The following SFXN4 variants were observed in gnomAD, a reference collection of about 807,000 sequenced individuals.
SFXN4 encodes the protein sideroflexin-4.
A neutral mutation model predicts 54.6 loss-of-function variants in SFXN4; 48 were observed. The ratio of observed to expected loss-of-function variants is 0.88; its 90% CI spans 0.70 to 1.12. The LOEUF is 1.12. Ranked by LOEUF, SFXN4 falls within the 50% of genes most tolerant of loss-of-function variation. The pLI is 0.00. For missense variants in SFXN4, 383 were observed against 409.2 expected (o/e 0.94, Z 0.55); for synonymous variants, 130 against 145.5 (o/e 0.89, Z 0.77).
At chr10:119,157,313 C>T (rs1244075531) in intron 9 of SFXN4, among the ~76,000 whole-genome samples, 1 of 151,668 alleles carries the variant, frequency 6.6e-6, no homozygotes, top group Non-Finnish European at 1.5e-5. Flanking sequence ...TGCCTGTAGT[C>T]CCGGCTACTC....
chr10:119,154,881 G>A (rs1293926529), intron 11 of SFXN4, among the ~76,000 whole-genome samples, 181 bp downstream of exon 11: 2 of 130,170 alleles, frequency 1.5e-5, no homozygotes, highest in African/African-American at 3.1e-5. Flanking sequence ...TTTCTCCAGA[G>A]AACCCAGACT....
At position 119,165,610 on chromosome 10, in the gene SFXN4, C is replaced by T; in HGVS notation, c.38G>A (p.Arg13Gln). 6.3e-7 allele frequency: 1 copy of T among 1,593,104 alleles called. No homozygotes were observed. Among genetic ancestry groups the T allele is most frequent in the Admixed American group, 1.7e-5 (1 of 58,446 alleles). The change falls in exon 1 of 14, where the codon CGG becomes CAG. Residue 13 changes from arginine (R) to glutamine (Q), a missense_variant. Arg to Gln is a conservative substitution (Grantham distance 43). Coordinates refer to ENST00000355697, the MANE Select transcript of SFXN4 (RefSeq NM_213649.2). ...GACGGCGTCTCTGCGTCCTAGGAGC[C>T]GCCCAGGTTGCGTTTCCTCCTCCTG... ...LEQEEETQPG[R>Q]LLGRRDAVPA...
chr10:119,153,418 A>G (rs568839399), intron 11 of SFXN4, among the ~76,000 whole-genome samples: 1 of 149,472 alleles, frequency 6.7e-6, no homozygotes, highest in South Asian at 2.1e-4. Context: ...AAAAAAAAAG[A>G]AAGAAAAGAA....
chr10:119,164,109 T>G, intron 2 of SFXN4, 22 bp downstream of exon 2: 1 of 1,389,114 alleles, frequency 7.2e-7, no homozygotes, highest in Non-Finnish European at 1.0e-6. Context: ...TGAAATTCAT[T>G]AGCTCTGAAA....
intron 2 of SFXN4, among the ~76,000 whole-genome samples, chr10:119,163,529 A>G (rs1163917016): frequency 6.6e-6 from 1 of 151,904 alleles, no homozygotes; most frequent in African/African-American, 2.4e-5. Context: ...AGCCTTCCGA[A>G]TAGCTGGGAT....
At chr10:119,159,146 G>A (rs1589645163) in intron 6 of SFXN4, among the ~76,000 whole-genome samples, 1 of 152,072 alleles carries the variant, frequency 6.6e-6, no homozygotes, top group African/African-American at 2.4e-5. Context: ...TGGGTATGGT[G>A]GTGAGCGCCT....
rs142281843 is a variant in SFXN4, at chr10:119,141,008, C to A, written c.*234G>T. ...GGCCGATCCCCACTCCAACCGTTCC[C>A]TCAGCAACCCCAGGGGTGTCAGACG... On this transcript the variant is annotated 3_prime_UTR_variant, in exon 14 of 14. Transcript: ENST00000355697. 151 of 429,312 alleles carry A rather than the reference C, an allele frequency of 3.5e-4. 1 individual carries two copies. The East Asian group carries it at 5.1e-3, about 14-fold the overall frequency. The allele number at this position is 429,312 out of a possible 1,614,324, so 26.6% of individuals were successfully genotyped here. A position where few individuals can be genotyped will look rare whatever the true frequency, so the allele number is the denominator to read the frequency against.
At chr10:119,165,275 G>A (rs1847721631) in intron 1 of SFXN4, 2 of 1,191,234 alleles carry the variant, frequency 1.7e-6, no homozygotes, top group Non-Finnish European at 2.1e-6. Flanking sequence ...AGCCACCTGC[G>A]CGGACTGGGC....
In SFXN4 at chr10:119,159,728, C is replaced by A; in HGVS notation, c.360G>T (p.Thr120=). ...PAAFLPFMAP[T]VFLSMTPLKG... is the part of the protein sequence containing the mutation. ...TAACGGCAAATGTCTGCTTGCTCACCGTGGGTGCCATGAAAGGCAGGAACG... is the reference window on the plus strand; with the variant it reads ...TAACGGCAAATGTCTGCTTGCTCACAGTGGGTGCCATGAAAGGCAGGAACG... Residue 120 remains threonine (T), a splice_region_variant and synonymous_variant, in exon 6 of 14, where the codon ACG becomes ACT. Transcript: ENST00000355697. The A allele has an allele frequency of 6.2e-7, 1 of 1,613,960 alleles. No individual in the cohort carries two copies. The highest frequency in any genetic ancestry group is 1.1e-5 in the South Asian group (1 of 91,062).
At chr10:119,160,867 A>G (rs148967165) in intron 5 of SFXN4, 48 bp downstream of exon 5, 300 of 1,593,218 alleles carry the variant, frequency 1.9e-4, no homozygotes, top group Non-Finnish European at 2.5e-4. Flanking sequence ...TCTAAGTGTT[A>G]GAAACTACAT....
At chr10:119,155,021 G>A (rs781070940) in intron 11 of SFXN4, 41 bp downstream of exon 11, 27 of 1,397,452 alleles carry the variant, frequency 1.9e-5, no homozygotes, top group Admixed American at 1.9e-4. Context: ...TCTAGTCGTT[G>A]CCCAAAAGGC....
chr10:119,148,594 C>T (rs1475471511), intron 11 of SFXN4, among the ~76,000 whole-genome samples: 3 of 152,168 alleles, frequency 2.0e-5, no homozygotes, highest in Non-Finnish European at 2.9e-5. Context: ...CCTCCAAATG[C>T]CCAGCTCTGA....
chr10:119,154,177 C>CA (rs575293435), intron 11 of SFXN4, among the ~76,000 whole-genome samples: 566 of 98,570 alleles, frequency 5.7e-3, no homozygotes, highest in South Asian at 0.017. Flanking sequence ...GACTCCGTCT[C>CA]AAAAAAAAAA....
intron 9 of SFXN4, 32 bp from the exon 10 acceptor site, chr10:119,156,788 A>C: frequency 6.5e-7 from 1 of 1,541,312 alleles, no homozygotes. Flanking sequence ...TCATTATTTC[A>C]TGGGACTGAA....
intron 11 of SFXN4, among the ~76,000 whole-genome samples, chr10:119,150,157 T>C (rs558592724): frequency 1.3e-5 from 2 of 152,328 alleles, no homozygotes; most frequent in Admixed American, 1.3e-4. Context: ...CCTTTTTTTT[T>C]TTAAAGTAGA....
At chr10:119,147,634 G>C in intron 12 of SFXN4, 141 bp downstream of exon 12, 1 of 653,728 alleles carries the variant, frequency 1.5e-6, no homozygotes, top group Non-Finnish European at 2.7e-6. Context: ...CAATCAATCC[G>C]CCTGTCTTAG....
Position 119,150,217 on chromosome 10 carries a change from A to G in SFXN4, c.733-2357T>C, listed in dbSNP as rs1023573716. 3.3e-5 allele frequency among the ~76,000 whole-genome samples: 5 copies of G among 151,882 alleles called. No individual in the cohort carries two copies. The South Asian group carries it at 1.0e-3, about 32-fold the overall frequency. On this transcript the variant is annotated intron_variant, in intron 11 of 13. Coordinates refer to ENST00000355697, the MANE Select transcript of SFXN4 (RefSeq NM_213649.2). ...AACATGCCCCTCATGCCAAAAATGA[A>G]GTTTCTTCTGGTGAGATGGACTCCA... is the stretch of plus-strand genomic sequence containing the variant.
chr10:119,146,588 T>C (rs1282369721), intron 12 of SFXN4, among the ~76,000 whole-genome samples: 1 of 152,086 alleles, frequency 6.6e-6, no homozygotes, highest in Non-Finnish European at 1.5e-5. Flanking sequence ...TTTTTTCTTT[T>C]GAGAGAATCT....
intron 1 of SFXN4, among the ~76,000 whole-genome samples, chr10:119,164,514 G>A (rs1032662792): frequency 6.6e-6 from 1 of 152,196 alleles, no homozygotes; most frequent in African/African-American, 2.4e-5. Flanking sequence ...ATGGTCTTAC[G>A]TTCATATCTC....
Sources: allele counts gnomAD v4.1 joint callset (sites outside exome capture counted in the v4.1 genomes callset), GRCh38; gene constraint gnomAD v4.1.1; transcripts MANE v1.5; gene names NCBI Gene and HGNC (gene_info 2026-07-23, HGNC 2026-07-21).